Variants in PPFIA4 observed in about 807,000 individuals in gnomAD.
PPFIA4 encodes the protein PPFI scaffold protein A4, also known as liprin-alpha-4.
Under a neutral mutation model 145.7 loss-of-function variants are expected in PPFIA4, and 98 were observed. The observed-to-expected ratio is 0.67, with a 90% CI of 0.57 to 0.80. The LOEUF (loss-of-function observed/expected upper bound fraction) is 0.80. PPFIA4 is among the 30% of genes least tolerant of loss of function. The pLI, the probability that PPFIA4 is intolerant of heterozygous loss-of-function variation, is 0.00. For synonymous variants in PPFIA4, 628 were observed against 649.6 expected, an observed-to-expected ratio of 0.97 and a Z score of 0.51; for missense variants, 1,457 against 1,632.7, an observed-to-expected ratio of 0.89 and a Z score of 1.85.
chr1:203,061,080 A>AT, intron 23 of PPFIA4, 48 bp downstream of exon 23: 1 of 1,556,844 alleles, frequency 6.4e-7, no homozygotes, highest in East Asian at 2.2e-5. Flanking sequence ...GTTGGGACTG[A>AT]TACTCCCATG....
chr1:203,044,869 GACTA>G, intron 6 of PPFIA4, 84 bp downstream of exon 6: 1 of 1,090,414 alleles, frequency 9.2e-7, no homozygotes, highest in Non-Finnish European at 1.4e-6. Flanking sequence ...TAGTTCAGTA[GACTA>G]ACTGCTTGAA....
chr1:203,045,088 C>T (rs948828637), intron 6 of PPFIA4, among the ~76,000 whole-genome samples: 3 of 152,180 alleles, frequency 2.0e-5, no homozygotes, highest in African/African-American at 7.2e-5. Flanking sequence ...TTTGTTCCCC[C>T]AGTCACGCCC....
chr1:203,063,689 AC>A, intron 24 of PPFIA4, 138 bp from the exon 25 acceptor site: 2 of 772,346 alleles, frequency 2.6e-6, no homozygotes, highest in East Asian at 5.3e-5. Context: ...TTGAAGATAA[AC>A]TGAAATTGTA....
Position 203,059,787 on chromosome 1 carries a change from A to G in PPFIA4, c.2519A>G (p.Asp840Gly). The G allele has an allele frequency of 1.2e-6, 2 of 1,613,624 alleles. No homozygotes were observed. Among genetic ancestry groups the G allele is most frequent in the Non-Finnish European group, 1.7e-6 (2 of 1,179,752 alleles). The change falls in exon 21 of 30, where the codon GAT (aspartate) becomes GGT (glycine). Residue 840 changes from aspartate (D) to glycine (G), a missense_variant. Transcript: ENST00000295706. The stretch of plus-strand genomic sequence containing the variant: ...CCTATAAGACACCAGCTGCTTGAAG[A>G]TGCCCGCAGGAAAGGAATGCCCTTT... ...RLKKKHQLLE[D>G]ARRKGMPFAQ...
Position 203,077,989 on chromosome 1 carries a change from T to C in PPFIA4, c.*1599T>C, listed in dbSNP as rs1180915118. The C allele has an allele frequency of 1.3e-5, 2 of 152,332 alleles. No individual in the cohort carries two copies. Among genetic ancestry groups the C allele is most frequent in the East Asian group, 3.9e-4 (2 of 5,192 alleles). 9.4% of individuals were successfully genotyped at this position (152,332 alleles called of 1,614,324 possible). A position where few individuals can be genotyped will look rare whatever the true frequency, so the allele number is the denominator to read the frequency against. Reference sequence around the variant, plus strand: ...GCAGGGACTAGGCTTGCAGGTGAGATAATGGGCCAGGGCACCCAGTCCAGA... The same window carrying C: ...GCAGGGACTAGGCTTGCAGGTGAGACAATGGGCCAGGGCACCCAGTCCAGA... On this transcript the variant is annotated 3_prime_UTR_variant, in exon 30 of 30. Transcript: ENST00000295706.
rs1662650607 is a variant in PPFIA4, at chr1:203,077,962, GA to G, written c.*1573del. On this transcript the variant is annotated 3_prime_UTR_variant, in exon 30 of 30. Coordinates refer to ENST00000295706, the MANE Select transcript of PPFIA4 (RefSeq NM_001304331.2). ...TTGCAACCTGATCACCTTGAGTTCT[GA>G]GCAGGGACTAGGCTTGCAGGTGAGA... 6.6e-6 allele frequency: 1 copy of G among 152,324 alleles called. No individual in the cohort carries two copies. Among genetic ancestry groups the G allele is most frequent in the Non-Finnish European group, 1.5e-5 (1 of 68,128 alleles). 9.4% of individuals were successfully genotyped at this position (152,324 alleles called of 1,614,324 possible).
In PPFIA4 at chr1:203,056,417, A is replaced by G. The variant is rs1414296570; in HGVS notation, c.2149A>G (p.Ile717Val). ...REENREDKAT[I>V]KCETSPPSSP... ...AGAGAACCGAGAGGATAAAGCCACC[A>G]TAAAATGTGAGACTTCTCCTCCTTC... Residue 717 changes from isoleucine (I) to valine (V), a missense_variant, in exon 18 of 30, where the codon ATA becomes GTA. By Grantham distance (29) the Ile-to-Val change is conservative. Coordinates refer to ENST00000295706, the MANE Select transcript of PPFIA4 (RefSeq NM_001304331.2). 1 of 1,613,876 alleles carries G rather than the reference A, an allele frequency of 6.2e-7. No homozygotes were observed. Among genetic ancestry groups the G allele is most frequent in the East Asian group, 2.2e-5 (1 of 44,892 alleles).
intron 1 of PPFIA4, among the ~76,000 whole-genome samples, chr1:203,027,652 G>T (rs527654975): frequency 5.9e-5 from 9 of 152,156 alleles, no homozygotes; most frequent in Non-Finnish European, 1.3e-4. Context: ...TCTTGGATCT[G>T]GTACCTAGTA....
Position 203,044,367 on chromosome 1 carries a change from T to C in PPFIA4, c.502-12T>C. The C allele has an allele frequency of 1.3e-6, 2 of 1,550,526 alleles. No individual in the cohort carries two copies. The highest frequency in any genetic ancestry group is 1.7e-6 in the Non-Finnish European group (2 of 1,146,840). On this transcript the variant is annotated splice_polypyrimidine_tract_variant and intron_variant, in intron 4 of 29. Coordinates refer to ENST00000295706, the MANE Select transcript of PPFIA4 (RefSeq NM_001304331.2). ...CCCCCTTTCTTCCTCCATCTCCCCT[T>C]ACCTCGAGCAGGTGCGAGAGCGGCT...
chr1:203,043,260 T>G lies in PPFIA4; in HGVS notation c.235-137T>G. 1 of 714,706 alleles carries G rather than the reference T, an allele frequency of 1.4e-6. No individual in the cohort carries two copies. The highest frequency in any genetic ancestry group is 2.4e-6 in the Non-Finnish European group (1 of 409,412). 44.3% of individuals were successfully genotyped at this position (714,706 alleles called of 1,614,324 possible). ...TAGCTACAGGTTTACTGACCTGCAG[T>G]GTGGATGGATTGGGATTTTGTGGGG... is the stretch of plus-strand genomic sequence containing the variant. On this transcript the variant is annotated intron_variant, in intron 2 of 29. Transcript: ENST00000295706. The surrounding 1 kb of genome is among the most constrained non-coding windows in gnomAD (Gnocchi z 4.4).
intron 12 of PPFIA4, 62 bp from the exon 13 acceptor site, chr1:203,049,613 AC>A: frequency 8.2e-7 from 1 of 1,225,758 alleles, no homozygotes. Context: ...TCTGACTCCC[AC>A]CCTCCCTCTC....
Position 203,076,523 on chromosome 1 carries a change from A to G in PPFIA4, c.*133A>G. On this transcript the variant is annotated 3_prime_UTR_variant, in exon 30 of 30. Transcript: ENST00000295706. The stretch of plus-strand genomic sequence containing the variant: ...ACTTTCCGGTTGCCCTGGATCTCAG[A>G]ATATATTCGTCCACCCCCTCGGCAC... 2 of 895,190 alleles carry G rather than the reference A, an allele frequency of 2.2e-6. No individual in the cohort carries two copies. Among genetic ancestry groups the G allele is most frequent in the Non-Finnish European group, 3.6e-6 (2 of 563,310 alleles). 55.5% of individuals were successfully genotyped at this position (895,190 alleles called of 1,614,324 possible). A position where few individuals can be genotyped will look rare whatever the true frequency, so the allele number is the denominator to read the frequency against.
chr1:203,061,050 C>G lies in PPFIA4; in HGVS notation c.2847+18C>G, dbSNP rs367860375. The G allele has an allele frequency of 8.1e-6, 13 of 1,612,762 alleles. No homozygotes were observed. The highest frequency in any genetic ancestry group is 1.1e-5 in the Non-Finnish European group (13 of 1,178,750). ...CTAAAACAGTGAGTCTGGCCCTTGG[C>G]CTTTGTCCCTGGGCCTGGGGTTGGG... On this transcript the variant is annotated intron_variant, in intron 23 of 29. Transcript: ENST00000295706.
chr1:203,056,207 C>A, intron 17 of PPFIA4, 52 bp downstream of exon 17: 6 of 1,612,546 alleles, frequency 3.7e-6, no homozygotes, highest in Non-Finnish European at 4.2e-6. Flanking sequence ...CTCCCATGCC[C>A]TTTCCTTTCA....
intron 20 of PPFIA4, 112 bp from the exon 21 acceptor site, chr1:203,059,658 G>C: frequency 1.2e-6 from 1 of 826,570 alleles, no homozygotes; most frequent in East Asian, 2.7e-5. Flanking sequence ...AGTCCAGGGT[G>C]GGGAGCAAGG....
At position 203,076,534 on chromosome 1, in the gene PPFIA4, C is replaced by T. The variant is rs762129209; in HGVS notation, c.*144C>T. ...GCCCTGGATCTCAGAATATATTCGT[C>T]CACCCCCTCGGCACCCCATTACCCC... is the stretch of plus-strand genomic sequence containing the variant. On this transcript the variant is annotated 3_prime_UTR_variant, in exon 30 of 30. Coordinates refer to ENST00000295706, the MANE Select transcript of PPFIA4 (RefSeq NM_001304331.2). 23 of 798,982 alleles carry T rather than the reference C, an allele frequency of 2.9e-5. No individual in the cohort carries two copies. Among genetic ancestry groups the T allele is most frequent in the Admixed American group, 8.6e-5 (4 of 46,282 alleles). 49.5% of individuals were successfully genotyped at this position (798,982 alleles called of 1,614,324 possible). A position where few individuals can be genotyped will look rare whatever the true frequency, so the allele number is the denominator to read the frequency against.
At chr1:203,061,826 C>A in intron 24 of PPFIA4, 148 bp downstream of exon 24, 1 of 789,714 alleles carries the variant, frequency 1.3e-6, no homozygotes, top group Non-Finnish European at 1.9e-6. Context: ...GTGCCCCCCG[C>A]CCCCACCCAG....
At chr1:203,054,509 C>A (rs538479218) in intron 15 of PPFIA4, among the ~76,000 whole-genome samples, 2 of 152,156 alleles carry the variant, frequency 1.3e-5, no homozygotes, top group Non-Finnish European at 1.5e-5. Context: ...TGACAGGGAA[C>A]GTTGTGAAAA....
chr1:203,070,760 T>G (rs1318330208), intron 27 of PPFIA4, among the ~76,000 whole-genome samples: 3 of 61,692 alleles, frequency 4.9e-5, no homozygotes, highest in African/African-American at 1.6e-4. Flanking sequence ...GCTTCCTAAT[T>G]TTAAGTTTTT....
Sources: gnomAD v4.1 joint callset for allele counts (sites outside exome capture counted in the v4.1 genomes callset) on GRCh38, gnomAD v4.1.1 for gene constraint, Gnocchi (gnomAD v3.1) non-coding constraint, MANE v1.5 for transcripts, NCBI Gene and HGNC (gene_info 2026-07-23, HGNC 2026-07-21) for gene names.